Variants in CNTLN observed in about 807,000 individuals in gnomAD.
CNTLN encodes centlein, centrosomal protein.
In CNTLN, 212 loss-of-function variants were observed where a neutral mutation model predicts 180.0. That is an observed-to-expected ratio of 1.18 (90% confidence interval 1.05 to 1.32). The LOEUF is 1.32. Among genes scored for constraint, CNTLN ranks in the 40% most tolerant of loss-of-function variants. The pLI is 0.00. For synonymous variants in CNTLN, 722 were observed against 563.1 expected, an observed-to-expected ratio of 1.28 and a Z score of -3.99; for missense variants, 2,095 against 1,610.9, an observed-to-expected ratio of 1.30 and a Z score of -5.14.
At chr9:17,485,913 T>G (rs761192076) in intron 24 of CNTLN, among the ~76,000 whole-genome samples, 15 of 152,152 alleles carry the variant, frequency 9.9e-5, no homozygotes, top group Non-Finnish European at 7.4e-5. Context: ...TCTCTCTTGA[T>G]AGCCCCAAAG....
chr9:17,466,508 T>C (rs541199145), intron 22 of CNTLN, among the ~76,000 whole-genome samples, 198 bp from the exon 23 acceptor site: 8 of 151,496 alleles, frequency 5.3e-5, no homozygotes, highest in Non-Finnish European at 1.0e-4. Flanking sequence ...AATCATAAAC[T>C]AATTTAGATG....
In CNTLN at chr9:17,415,892, A is replaced by G. The variant is rs201363525; in HGVS notation, c.2890+11A>G. 7.0e-5 allele frequency: 112 copies of G among 1,593,158 alleles called. No homozygotes were observed. In the Admixed American group the frequency reaches 1.1e-3, roughly 15 times the overall value. ...CAGTTCCTACTAGAGGTAAGAATGT[A>G]TATGCAATTAACAATATGTCTTTTA... On this transcript the variant is annotated intron_variant, in intron 17 of 25. Coordinates refer to ENST00000380647, the MANE Select transcript of CNTLN (RefSeq NM_017738.4).
chr9:17,221,894 T>A (rs1824160276), intron 2 of CNTLN, among the ~76,000 whole-genome samples: 1 of 152,102 alleles, frequency 6.6e-6, no homozygotes, highest in Non-Finnish European at 1.5e-5. Context: ...TAACTGTATC[T>A]ACCAACATAT....
At chr9:17,312,647 C>G (rs896649844) in intron 8 of CNTLN, among the ~76,000 whole-genome samples, 3 of 150,546 alleles carry the variant, frequency 2.0e-5, no homozygotes, top group Non-Finnish European at 4.4e-5. Context: ...TCGTTATCCA[C>G]CCACCTCCGC....
chr9:17,429,588 T>C (rs1287118796), intron 18 of CNTLN, among the ~76,000 whole-genome samples: 1 of 152,070 alleles, frequency 6.6e-6, no homozygotes, highest in Non-Finnish European at 1.5e-5. Flanking sequence ...TTTCACAATT[T>C]GAGAAATACA....
At chr9:17,140,979 T>C (rs576701986) in intron 1 of CNTLN, among the ~76,000 whole-genome samples, 2 of 152,246 alleles carry the variant, frequency 1.3e-5, no homozygotes, top group South Asian at 4.1e-4. Flanking sequence ...GTATGTAAAA[T>C]TAATAACTTG....
chr9:17,442,119 A>T (rs1394758087), intron 18 of CNTLN, among the ~76,000 whole-genome samples: 1 of 152,216 alleles, frequency 6.6e-6, no homozygotes, highest in East Asian at 1.9e-4. Flanking sequence ...AATGGATAGA[A>T]CAAGATTAAT....
At chr9:17,500,064 A>G (rs1248240363) in intron 25 of CNTLN, among the ~76,000 whole-genome samples, 1 of 152,212 alleles carries the variant, frequency 6.6e-6, no homozygotes, top group Admixed American at 6.5e-5. Context: ...AGGTTCCTGC[A>G]AGGGCAGTAG....
chr9:17,257,276 G>T (rs202140397), intron 5 of CNTLN, among the ~76,000 whole-genome samples: 5 of 151,968 alleles, frequency 3.3e-5, no homozygotes, highest in African/African-American at 4.8e-5. Flanking sequence ...GATTTCCAAT[G>T]TCATCCATGT....
At chr9:17,466,636 C>T (rs1430739598) in intron 22 of CNTLN, 70 bp from the exon 23 acceptor site, 7 of 1,197,106 alleles carry the variant, frequency 5.8e-6, no homozygotes, top group Non-Finnish European at 8.2e-6. Context: ...CCTTATTTGA[C>T]ATGTATAACT....
intron 2 of CNTLN, chr9:17,166,915 A>T (rs183766372): frequency 3.9e-5 from 18 of 458,040 alleles, no homozygotes; most frequent in African/African-American, 2.8e-4. Context: ...CATGAATAAT[A>T]TAAAGATATT....
At chr9:17,156,080 A>T (rs1330898089) in intron 2 of CNTLN, among the ~76,000 whole-genome samples, 1 of 152,160 alleles carries the variant, frequency 6.6e-6, no homozygotes. Flanking sequence ...AGCGAGTCCC[A>T]ATGAGATGAA....
intron 18 of CNTLN, among the ~76,000 whole-genome samples, chr9:17,419,250 T>C (rs1046433953): frequency 1.3e-5 from 2 of 152,160 alleles, no homozygotes; most frequent in African/African-American, 4.8e-5. Context: ...AAGCAGGTAC[T>C]GTAAATATCA....
rs1564071302 is a variant in CNTLN, at chr9:17,399,586, C to T, written c.2615+4517C>T. Among the ~76,000 whole-genome samples the T allele has an allele frequency of 3.3e-5, 5 of 152,170 alleles. No individual in the cohort carries two copies. The South Asian group carries it at 8.3e-4, about 25-fold the overall frequency. On this transcript the variant is annotated intron_variant, in intron 15 of 25. Transcript: ENST00000380647. ...AAAGTTTTCAACCTTAGTGCTAAAG[C>T]CCTTTCCATCTTCCTTCCATTTTAT...
At chr9:17,268,035 C>G (rs955111187) in intron 5 of CNTLN, among the ~76,000 whole-genome samples, 1 of 152,128 alleles carries the variant, frequency 6.6e-6, no homozygotes, top group Admixed American at 6.5e-5. Context: ...CTTCTCTCAA[C>G]TTGTCAAAGT....
At chr9:17,463,707 G>C (rs902244678) in intron 20 of CNTLN, among the ~76,000 whole-genome samples, 2 of 151,548 alleles carry the variant, frequency 1.3e-5, no homozygotes, top group African/African-American at 4.8e-5. Context: ...ATATTTTGAA[G>C]TTTATTTATC....
At chr9:17,168,684 G>A (rs893657062) in intron 2 of CNTLN, 3 of 152,060 alleles carry the variant, frequency 2.0e-5, no homozygotes, top group African/African-American at 7.2e-5. Context: ...TAAATGTCCT[G>A]TATAGCAACA....
chr9:17,233,031 G>A (rs1254148269), intron 3 of CNTLN, among the ~76,000 whole-genome samples: 2 of 151,912 alleles, frequency 1.3e-5, no homozygotes, highest in Admixed American at 6.6e-5. Flanking sequence ...TGTACTTACT[G>A]GATTTAAAAA....
chr9:17,382,468 G>A (rs952261315), intron 13 of CNTLN, among the ~76,000 whole-genome samples: 3 of 152,068 alleles, frequency 2.0e-5, no homozygotes, highest in African/African-American at 7.2e-5. Flanking sequence ...GGCATATTCA[G>A]GTTTTCTCCA....
Sources: gnomAD v4.1 joint callset for allele counts (sites outside exome capture counted in the v4.1 genomes callset) on GRCh38, gnomAD v4.1.1 for gene constraint, MANE v1.5 for transcripts, NCBI Gene and HGNC (gene_info 2026-07-23, HGNC 2026-07-21) for gene names.